MAML2: variants seen among roughly 807,000 people sequenced by gnomAD.
MAML2 encodes the protein mastermind-like protein 2.
In MAML2, 22 loss-of-function variants were observed where a neutral mutation model predicts 96.1. That is an observed-to-expected ratio of 0.23 (90% CI 0.16 to 0.33). The LOEUF (loss-of-function observed/expected upper bound fraction) is 0.33, where lower values mean the gene tolerates loss of function less well. MAML2 is among the 10% of genes least tolerant of loss of function. The probability of loss-of-function intolerance (pLI) is 1.00; values close to 1 mark genes in which losing one functional copy is unlikely to be tolerated. For synonymous variants in MAML2, 561 were observed against 521.3 expected (o/e 1.08, Z -1.04); for missense variants, 1,367 against 1,392.4 (o/e 0.98, Z 0.29).
intron 1 of MAML2, among the ~76,000 whole-genome samples, chr11:96,220,284 T>C (rs904911855): frequency 1.3e-5 from 2 of 152,184 alleles, no homozygotes; most frequent in Non-Finnish European, 2.9e-5. Context: ...TCTCTTTCTC[T>C]GTGCTCCTTT....
chr11:96,061,123 G>A (rs1052152729), intron 2 of MAML2, among the ~76,000 whole-genome samples: 2 of 152,206 alleles, frequency 1.3e-5, no homozygotes, highest in Non-Finnish European at 2.9e-5. Context: ...AACAATAATT[G>A]TTTGTTCTAT....
chr11:96,123,234 C>A (rs1386836461), intron 1 of MAML2, among the ~76,000 whole-genome samples: 8 of 152,174 alleles, frequency 5.3e-5, no homozygotes, highest in African/African-American at 1.9e-4. Flanking sequence ...AAGGCAGGAA[C>A]CACTAGATCT....
intron 1 of MAML2, among the ~76,000 whole-genome samples, chr11:96,308,732 C>T (rs1043676710): frequency 4.6e-5 from 7 of 152,292 alleles, no homozygotes; most frequent in African/African-American, 1.7e-4. Context: ...TAAAAAATGA[C>T]TAGCTATAAT....
Position 95,979,871 on chromosome 11 carries a change from A to T in MAML2, c.2548T>A (p.Ser850Thr). 4 of 1,613,906 alleles carry T rather than the reference A, an allele frequency of 2.5e-6. No homozygotes were observed. The highest frequency in any genetic ancestry group is 3.4e-6 in the Non-Finnish European group (4 of 1,179,844). Reference sequence around the variant, plus strand: ...GGCATTCTTGTCCCGTGAGAAGTAGACAGGAGGCTGGAATTGGGAGTTAAA... The same window carrying T: ...GGCATTCTTGTCCCGTGAGAAGTAGTCAGGAGGCTGGAATTGGGAGTTAAA... ...TILTPNSSLLSTSHGTRMPSL... is the reference protein window; with the variant it reads ...TILTPNSSLLTTSHGTRMPSL... The change falls in exon 5 of 5, where the codon TCT becomes ACT. Residue 850 changes from serine (S) to threonine (T), a missense_variant. Transcript: ENST00000524717.
intron 1 of MAML2, among the ~76,000 whole-genome samples, chr11:96,309,561 C>T (rs1863509216): frequency 2.0e-5 from 3 of 152,246 alleles, no homozygotes; most frequent in African/African-American, 4.8e-5. Flanking sequence ...TGCTACATCA[C>T]CATTTCATAG....
At chr11:96,315,244 C>T (rs1299600438) in intron 1 of MAML2, among the ~76,000 whole-genome samples, 23 of 152,036 alleles carry the variant, frequency 1.5e-4, no homozygotes, top group Admixed American at 9.8e-4. Context: ...GAGGACAAAA[C>T]GGTGCCAATG....
At chr11:96,189,319 TATAATTTACTTCCTAGG>T (rs1381025116) in intron 1 of MAML2, among the ~76,000 whole-genome samples, 1 of 152,258 alleles carries the variant, frequency 6.6e-6, no homozygotes, top group African/African-American at 2.4e-5. Context: ...GTTTCGTGCT[TATAATTTACTTCCTAGG>T]AAATCTTTAT....
In MAML2 at chr11:96,089,588, C is replaced by T. The variant is rs1859672281; in HGVS notation, c.2139+2304G>A. ...ATTCTATAGCTGTATTGAACAATAG[C>T]ATCATTATCAGAATGTGTATACTTC... On this transcript the variant is annotated intron_variant, in intron 2 of 4. Coordinates refer to ENST00000524717, the MANE Select transcript of MAML2 (RefSeq NM_032427.4). 2.0e-5 allele frequency among the ~76,000 whole-genome samples: 3 copies of T among 152,170 alleles called. No individual in the cohort carries two copies. In the South Asian group the frequency reaches 6.2e-4, roughly 31 times the overall value.
At chr11:95,996,487 T>C (rs1392511132) in intron 2 of MAML2, among the ~76,000 whole-genome samples, 1 of 152,108 alleles carries the variant, frequency 6.6e-6, no homozygotes, top group African/African-American at 2.4e-5. Flanking sequence ...GTTTTCCAAA[T>C]TTGAAACTGG....
At chr11:96,163,445 G>A (rs1861145086) in intron 1 of MAML2, among the ~76,000 whole-genome samples, 1 of 152,140 alleles carries the variant, frequency 6.6e-6, no homozygotes, top group African/African-American at 2.4e-5. Context: ...CCAATCATAA[G>A]CTCTTATTAT....
intron 1 of MAML2, among the ~76,000 whole-genome samples, chr11:96,152,464 T>A (rs144819240): frequency 1.2e-3 from 188 of 152,352 alleles, no homozygotes; most frequent in African/African-American, 4.4e-3. Context: ...CTCACTTACC[T>A]TAAATATCAT....
At chr11:96,271,828 T>C (rs1862919273) in intron 1 of MAML2, among the ~76,000 whole-genome samples, 1 of 152,200 alleles carries the variant, frequency 6.6e-6, no homozygotes, top group South Asian at 2.1e-4. Context: ...ATCTTTTCAG[T>C]GGTCTACAAG....
chr11:96,074,223 A>G (rs943166044), intron 2 of MAML2, among the ~76,000 whole-genome samples: 2 of 152,238 alleles, frequency 1.3e-5, no homozygotes, highest in Non-Finnish European at 2.9e-5. Context: ...CAGAGTGGCT[A>G]ACTGCTTGCA....
At chr11:96,078,247 C>A (rs541429737) in intron 2 of MAML2, among the ~76,000 whole-genome samples, 2 of 152,324 alleles carry the variant, frequency 1.3e-5, no homozygotes, top group East Asian at 3.9e-4. Context: ...TCAGTGTACA[C>A]TGAACACATC....
At chr11:96,132,214 G>A (rs1467118383) in intron 1 of MAML2, among the ~76,000 whole-genome samples, 1 of 152,112 alleles carries the variant, frequency 6.6e-6, no homozygotes, top group East Asian at 1.9e-4. Flanking sequence ...AGGAAAAAAT[G>A]AATATGCAAA....
intron 2 of MAML2, among the ~76,000 whole-genome samples, chr11:96,061,008 C>G (rs944399157): frequency 6.6e-6 from 1 of 152,128 alleles, no homozygotes; most frequent in Admixed American, 6.5e-5. Context: ...CTAGAACGAG[C>G]TTTCTTAATC....
At chr11:96,114,279 T>C (rs1435777347) in intron 1 of MAML2, among the ~76,000 whole-genome samples, 1 of 152,194 alleles carries the variant, frequency 6.6e-6, no homozygotes, top group Admixed American at 6.5e-5. Flanking sequence ...GACTTTGCTA[T>C]GGGCAAAAAT....
At chr11:96,167,348 C>T (rs1196264773) in intron 1 of MAML2, among the ~76,000 whole-genome samples, 4 of 152,192 alleles carry the variant, frequency 2.6e-5, no homozygotes, top group Non-Finnish European at 4.4e-5. Context: ...TCCTAGCTGG[C>T]CTTCCTCCTG....
chr11:96,134,753 G>T (rs932432729), intron 1 of MAML2, among the ~76,000 whole-genome samples: 4 of 152,166 alleles, frequency 2.6e-5, no homozygotes, highest in Non-Finnish European at 5.9e-5. Context: ...ATTTCCTCAA[G>T]CTAAGAGGGG....
Sources: gnomAD v4.1 joint callset for allele counts (sites outside exome capture counted in the v4.1 genomes callset) on GRCh38, gnomAD v4.1.1 for gene constraint, MANE v1.5 for transcripts, NCBI Gene and HGNC (gene_info 2026-07-23, HGNC 2026-07-21) for gene names.